The following RCC2 variants were observed in gnomAD, a reference collection of about 807,000 sequenced individuals.
The protein encoded by RCC2 is protein RCC2.
In RCC2, 19 loss-of-function variants were observed where a neutral mutation model predicts 64.1. The ratio of observed to expected loss-of-function variants is 0.30; its 90% CI spans 0.21 to 0.44. The LOEUF is 0.44. RCC2 is among the 20% of genes least tolerant of loss of function. The pLI is 1.00. For missense variants in RCC2, 508 were observed against 710.4 expected, an observed-to-expected ratio of 0.72 and a Z score of 3.24; for synonymous variants, 325 against 279.6, an observed-to-expected ratio of 1.16 and a Z score of -1.62.
rs1425853861 is a variant in RCC2, at chr1:17,429,213, G to A, written c.286-14C>T. 6.2e-7 allele frequency: 1 copy of A among 1,609,350 alleles called. No individual in the cohort carries two copies. The highest frequency in any genetic ancestry group is 8.5e-7 in the Non-Finnish European group (1 of 1,176,032). On this transcript the variant is annotated splice_polypyrimidine_tract_variant and intron_variant, in intron 2 of 12. Transcript: ENST00000375436. ...CCCTTCAAGTTTCTGCAGAGACAGA[G>A]AAAGGAAAAAAGAATTAGTGTGTAA...
intron 7 of RCC2, among the ~76,000 whole-genome samples, chr1:17,417,989 T>C (rs1242948200): frequency 6.6e-6 from 1 of 152,068 alleles, no homozygotes; most frequent in African/African-American, 2.4e-5. Context: ...ACTGAAGTAA[T>C]CTAGAGATGA....
At chr1:17,433,825 C>A (rs967115152) in intron 2 of RCC2, among the ~76,000 whole-genome samples, 6 of 152,240 alleles carry the variant, frequency 3.9e-5, no homozygotes, top group Admixed American at 1.3e-4. Flanking sequence ...TGTAGAAGAC[C>A]GCTGCTCCGG....
intron 3 of RCC2, among the ~76,000 whole-genome samples, chr1:17,428,185 G>C (rs560742557): frequency 6.6e-6 from 1 of 152,316 alleles, no homozygotes; most frequent in African/African-American, 2.4e-5. Flanking sequence ...GAGAAATGAT[G>C]CAACACGGGC....
At chr1:17,414,520 A>C (rs2075459971) in intron 8 of RCC2, among the ~76,000 whole-genome samples, 1 of 142,024 alleles carries the variant, frequency 7.0e-6, no homozygotes, top group Admixed American at 7.4e-5. Context: ...ACGGAATGAG[A>C]CTCCATCTCA....
rs530477434 is a variant in RCC2, at chr1:17,422,796, C to A, written c.564G>T (p.Lys188Asn). The A allele has an allele frequency of 6.2e-7, 1 of 1,614,160 alleles. No individual in the cohort carries two copies. The highest frequency in any genetic ancestry group is 1.1e-5 in the South Asian group (1 of 91,076). ...EKGQLGHGDT[K>N]RVEAPRLIEG... ...CGATGAGTCTAGGGGCTTCTACTCT[C>A]TTGGTGTCACCATGTCCCAGCTGCC... The change falls in exon 5 of 13, where the codon AAG becomes AAT. Residue 188 changes from lysine to asparagine, a missense_variant. Lys to Asn is a moderately conservative substitution (Grantham distance 94). Around this residue, in one of 4 missense-constraint regions of RCC2, gnomAD observed 132 missense variants for 207.3 expected, o/e 0.64. Transcript: ENST00000375436.
intron 2 of RCC2, among the ~76,000 whole-genome samples, chr1:17,436,239 G>A (rs114350853): frequency 0.035 from 5,304 of 152,284 alleles, 131 homozygotes; most frequent in Non-Finnish European, 0.055. Context: ...CAGGGCTCGC[G>A]CCTGTCATCC....
intron 8 of RCC2, 27 bp from the exon 9 acceptor site, chr1:17,413,744 G>A (rs757877033): frequency 1.9e-6 from 3 of 1,590,482 alleles, no homozygotes; most frequent in South Asian, 2.3e-5. Flanking sequence ...CACAGGGTTG[G>A]AACAAACAGA....
At chr1:17,422,667 G>A (rs763196560) in intron 5 of RCC2, 38 bp downstream of exon 5, 28 of 1,608,838 alleles carry the variant, frequency 1.7e-5, no homozygotes, top group Non-Finnish European at 2.3e-5. Context: ...CTGGCCTCTT[G>A]CCAAACTGAG....
In RCC2 at chr1:17,417,163, C is replaced by T. The variant is rs190076118; in HGVS notation, c.860-517G>A. ...TTTTATGAATTACCAGTAACCTAAACGTATGGTTACGGGTGGCTAAAGCCT... is the reference window on the plus strand; with the variant it reads ...TTTTATGAATTACCAGTAACCTAAATGTATGGTTACGGGTGGCTAAAGCCT... On this transcript the variant is annotated intron_variant, in intron 7 of 12. Transcript: ENST00000375436. 3.9e-5 allele frequency among the ~76,000 whole-genome samples: 6 copies of T among 152,290 alleles called. No individual in the cohort carries two copies. In the East Asian group the frequency reaches 7.7e-4, roughly 20 times the overall value.
At chr1:17,413,449 G>A in intron 9 of RCC2, 88 bp downstream of exon 9, 1 of 1,330,638 alleles carries the variant, frequency 7.5e-7, no homozygotes, top group Non-Finnish European at 1.1e-6. Flanking sequence ...GAGGTAAAGA[G>A]AATTGGGGTT....
At position 17,413,133 on chromosome 1, in the gene RCC2, G is replaced by A; in HGVS notation, c.1253C>T (p.Thr418Ile). The change falls in exon 10 of 13, where the codon ACC (threonine) becomes ATC (isoleucine). Residue 418 changes from threonine to isoleucine, a missense_variant. By Grantham distance (89) the Thr-to-Ile change is moderately conservative. This residue lies in a region of RCC2 where 179 missense variants were observed against 322.0 expected (regional missense o/e 0.56). Transcript: ENST00000375436. ...GTCCTGCACTGCTTTTGGGTACATG[G>A]TAGATTCACGGGAGGTGTTGGTGGC... The part of the protein sequence containing the change: ...WGATNTSRES[T>I]MYPKAVQDLC... The A allele has an allele frequency of 6.2e-7, 1 of 1,614,164 alleles. No homozygotes were observed.
At chr1:17,425,125 T>C (rs894472366) in intron 4 of RCC2, among the ~76,000 whole-genome samples, 3 of 151,224 alleles carry the variant, frequency 2.0e-5, no homozygotes, top group African/African-American at 4.9e-5. Context: ...AGGCGGGAGG[T>C]AGAAAAGCCA....
chr1:17,415,972 G>A (rs1412344764), intron 8 of RCC2, among the ~76,000 whole-genome samples: 1 of 151,178 alleles, frequency 6.6e-6, no homozygotes, highest in Non-Finnish European at 1.5e-5. Flanking sequence ...GGGAGGCTGA[G>A]GCAGGAGAAT....
Position 17,413,773 on chromosome 1 carries a change from A to G in RCC2, c.1027-56T>C, listed in dbSNP as rs1333881735. On this transcript the variant is annotated intron_variant, in intron 8 of 12. Transcript: ENST00000375436. ...AAACAGACTTCCAACAGGCAACAAG[A>G]GGGGTCATCGTTTCTGTGCAGACAA... The G allele has an allele frequency of 4.0e-6, 6 of 1,497,576 alleles. No individual in the cohort carries two copies. In the African/African-American group the frequency reaches 8.4e-5, roughly 21 times the overall value. The allele number at this position is 1,497,576 out of a possible 1,614,324, so 92.8% of individuals were successfully genotyped here.
At chr1:17,438,728 AG>A (rs901584799) in intron 1 of RCC2, among the ~76,000 whole-genome samples, 14 of 152,114 alleles carry the variant, frequency 9.2e-5, no homozygotes, top group Admixed American at 9.1e-4. Flanking sequence ...GGAATCCCGC[AG>A]GGCAGCCGGG....
At chr1:17,412,976 G>C (rs1230085299) in intron 10 of RCC2, 97 bp downstream of exon 10, 5 of 863,486 alleles carry the variant, frequency 5.8e-6, no homozygotes, top group Non-Finnish European at 7.5e-6. Flanking sequence ...ACAGGCAGCA[G>C]AAACAGAGCC....
intron 11 of RCC2, among the ~76,000 whole-genome samples, chr1:17,411,635 T>G (rs954566023): frequency 3.3e-5 from 5 of 150,156 alleles, no homozygotes; most frequent in Admixed American, 3.3e-4. Flanking sequence ...ATGAAAGACA[T>G]TTGTTTGCGG....
chr1:17,436,476 C>A (rs1461480203), intron 2 of RCC2, among the ~76,000 whole-genome samples: 1 of 152,182 alleles, frequency 6.6e-6, no homozygotes, highest in African/African-American at 2.4e-5. Flanking sequence ...CCACTGCACT[C>A]CAGCCTGGCC....
intron 2 of RCC2, among the ~76,000 whole-genome samples, chr1:17,429,405 G>A (rs1042940017): frequency 2.6e-5 from 4 of 152,026 alleles, no homozygotes; most frequent in African/African-American, 7.3e-5. Context: ...GCCCACAGCC[G>A]CTCACTTGCT....
Sources: allele counts gnomAD v4.1 joint callset (sites outside exome capture counted in the v4.1 genomes callset), GRCh38; gene constraint gnomAD v4.1.1; regional missense constraint gnomAD v4.1.1; transcripts MANE v1.5; gene names NCBI Gene and HGNC (gene_info 2026-07-23, HGNC 2026-07-21).